HS6ST3: variants seen among roughly 807,000 people sequenced by gnomAD.
HS6ST3 encodes the protein heparan-sulfate 6-O-sulfotransferase 3.
In HS6ST3, 12 loss-of-function variants were observed where a neutral mutation model predicts 36.7. The observed-to-expected ratio is 0.33, with a 90% confidence interval of 0.21 to 0.53. HS6ST3 has a LOEUF of 0.53. Among genes scored for constraint, HS6ST3 ranks in the 20% least tolerant of loss-of-function variants. The pLI is 0.95. For missense variants in HS6ST3, 584 were observed against 640.9 expected, an observed-to-expected ratio of 0.91 and a Z score of 0.96; for synonymous variants, 240 against 257.5, an observed-to-expected ratio of 0.93 and a Z score of 0.65.
intron 1 of HS6ST3, among the ~76,000 whole-genome samples, chr13:96,460,464 A>G (rs183724211): frequency 2.0e-5 from 3 of 152,156 alleles, no homozygotes; most frequent in African/African-American, 7.2e-5. Context: ...AAGATTCAGT[A>G]ATGTTTGGTA....
intron 1 of HS6ST3, among the ~76,000 whole-genome samples, chr13:96,782,316 A>C (rs1877544544): frequency 6.6e-6 from 1 of 152,178 alleles, no homozygotes; most frequent in Non-Finnish European, 1.5e-5. Context: ...TTGTTCTCCA[A>C]AACAGTCGCC....
At chr13:96,786,098 C>G (rs1229718850) in intron 1 of HS6ST3, among the ~76,000 whole-genome samples, 2 of 152,266 alleles carry the variant, frequency 1.3e-5, no homozygotes, top group East Asian at 3.9e-4. Context: ...AGCACTGCAG[C>G]CACATTGCCT....
intron 1 of HS6ST3, among the ~76,000 whole-genome samples, chr13:96,460,699 T>C (rs893534243): frequency 7.2e-5 from 11 of 152,236 alleles, no homozygotes; most frequent in African/African-American, 2.2e-4. Context: ...AGGCCATTAC[T>C]TCAGATAACA....
intron 1 of HS6ST3, among the ~76,000 whole-genome samples, chr13:96,363,325 G>T (rs2055247933): frequency 6.7e-6 from 1 of 149,458 alleles, no homozygotes; most frequent in Non-Finnish European, 1.5e-5. Flanking sequence ...TGAGTCTATA[G>T]TGATTTCAAA....
At chr13:96,162,836 T>C (rs749985682) in intron 1 of HS6ST3, among the ~76,000 whole-genome samples, 4 of 152,232 alleles carry the variant, frequency 2.6e-5, no homozygotes, top group Non-Finnish European at 4.4e-5. Flanking sequence ...ATATTTGATA[T>C]GTTAATTAAC....
In HS6ST3 at chr13:96,550,579, C is replaced by T. The variant is rs576289691; in HGVS notation, c.708-281911C>T. On this transcript the variant is annotated intron_variant, in intron 1 of 1. Coordinates refer to ENST00000376705, the MANE Select transcript of HS6ST3 (RefSeq NM_153456.4). ...AGCCATGTCATCTTTGTCACCAGTA[C>T]TTATTAAATCAACAAATATATAAAA... is the stretch of plus-strand genomic sequence containing the variant. Among the ~76,000 whole-genome samples, 6 of 152,204 alleles carry T rather than the reference C, an allele frequency of 3.9e-5. No individual in the cohort carries two copies. In the South Asian group the frequency reaches 1.2e-3, roughly 31 times the overall value.
intron 1 of HS6ST3, among the ~76,000 whole-genome samples, chr13:96,351,133 G>A (rs2055180697): frequency 1.3e-5 from 2 of 151,938 alleles, no homozygotes; most frequent in Non-Finnish European, 2.9e-5. Flanking sequence ...TAAAGGTCAC[G>A]TAGCATTAAG....
chr13:96,524,357 C>G (rs138991062), intron 1 of HS6ST3, among the ~76,000 whole-genome samples: 41 of 152,272 alleles, frequency 2.7e-4, no homozygotes, highest in African/African-American at 9.1e-4. Context: ...TGTCAGAGCT[C>G]GAACGCTGCA....
intron 1 of HS6ST3, among the ~76,000 whole-genome samples, chr13:96,679,520 T>A (rs950678211): frequency 1.3e-5 from 2 of 152,136 alleles, no homozygotes; most frequent in African/African-American, 2.4e-5. Context: ...TTTACTCTCC[T>A]GTTTCTCATC....
chr13:96,279,147 G>T (rs1334535232), intron 1 of HS6ST3, among the ~76,000 whole-genome samples: 1 of 152,092 alleles, frequency 6.6e-6, no homozygotes, highest in Non-Finnish European at 1.5e-5. Context: ...TATAAATAAA[G>T]TAATTTCAGA....
At chr13:96,137,323 C>T (rs2054007401) in intron 1 of HS6ST3, among the ~76,000 whole-genome samples, 1 of 152,026 alleles carries the variant, frequency 6.6e-6, no homozygotes, top group African/African-American at 2.4e-5. Context: ...TATGTTATTG[C>T]AGGTATGAAT....
chr13:96,774,514 C>G (rs758867344), intron 1 of HS6ST3, among the ~76,000 whole-genome samples: 11 of 152,070 alleles, frequency 7.2e-5, no homozygotes, highest in Non-Finnish European at 8.8e-5. Flanking sequence ...AAAAACACAG[C>G]ACGAGAACTT....
intron 1 of HS6ST3, among the ~76,000 whole-genome samples, chr13:96,140,446 T>C (rs2054026194): frequency 6.6e-6 from 1 of 152,172 alleles, no homozygotes; most frequent in Non-Finnish European, 1.5e-5. Context: ...ATATTTTTCA[T>C]AGTATGTAGT....
chr13:96,664,761 A>G (rs954675237), intron 1 of HS6ST3, among the ~76,000 whole-genome samples: 1 of 152,192 alleles, frequency 6.6e-6, no homozygotes, highest in Non-Finnish European at 1.5e-5. Context: ...TCTTACTTCC[A>G]TGGCCTGATC....
chr13:96,151,111 A>G (rs2054082732), intron 1 of HS6ST3, among the ~76,000 whole-genome samples: 1 of 152,098 alleles, frequency 6.6e-6, no homozygotes, highest in Admixed American at 6.5e-5. Flanking sequence ...AAAAAAGACT[A>G]CCTGGATACA....
chr13:96,323,576 T>C (rs1437145507), intron 1 of HS6ST3, among the ~76,000 whole-genome samples: 3 of 152,162 alleles, frequency 2.0e-5, no homozygotes, highest in Non-Finnish European at 4.4e-5. Flanking sequence ...AGCCCATTGA[T>C]TGACTCGTTG....
chr13:96,484,943 C>A (rs1022441127), intron 1 of HS6ST3, among the ~76,000 whole-genome samples: 1 of 152,152 alleles, frequency 6.6e-6, no homozygotes, highest in African/African-American at 2.4e-5. Flanking sequence ...TACCAGTTTG[C>A]ATTCCTACCA....
chr13:96,235,237 CATT>C (rs2054528590), intron 1 of HS6ST3, among the ~76,000 whole-genome samples: 1 of 152,058 alleles, frequency 6.6e-6, no homozygotes, highest in African/African-American at 2.4e-5. Flanking sequence ...CTGGATATTT[CATT>C]ATTATTTATG....
At chr13:96,569,077 C>T (rs2056291852) in intron 1 of HS6ST3, among the ~76,000 whole-genome samples, 1 of 152,152 alleles carries the variant, frequency 6.6e-6, no homozygotes, top group Non-Finnish European at 1.5e-5. Context: ...AACAGATATA[C>T]TTTATTTTCT....
Sources: allele counts gnomAD v4.1 joint callset (sites outside exome capture counted in the v4.1 genomes callset), GRCh38; gene constraint gnomAD v4.1.1; transcripts MANE v1.5; gene names NCBI Gene and HGNC (gene_info 2026-07-23, HGNC 2026-07-21).